The following CEP192 variants were observed in gnomAD, a reference collection of about 807,000 sequenced individuals.
CEP192 encodes the protein centrosomal protein 192.
A neutral mutation model predicts 271.8 loss-of-function variants in CEP192; 151 were observed. That is an observed-to-expected ratio of 0.56 (90% CI 0.49 to 0.64). The LOEUF (loss-of-function observed/expected upper bound fraction) is 0.64. Ranked by LOEUF, CEP192 falls within the 30% of genes least tolerant of loss-of-function variation. The pLI is 0.00. For synonymous variants in CEP192, 995 were observed against 1,076.5 expected (o/e 0.92, Z 1.48); for missense variants, 2,910 against 3,020.5 (o/e 0.96, Z 0.86).
intron 40 of CEP192, among the ~76,000 whole-genome samples, chr18:13,112,967 G>C (rs1228540432): frequency 6.6e-6 from 1 of 152,218 alleles, no homozygotes; most frequent in African/African-American, 2.4e-5. Flanking sequence ...ATAAAATGCT[G>C]TTTTTAAACA....
chr18:13,102,245 G>A (rs958424422), intron 38 of CEP192, among the ~76,000 whole-genome samples: 22 of 151,886 alleles, frequency 1.4e-4, no homozygotes, highest in African/African-American at 4.8e-4. Context: ...AAAATAGACA[G>A]GCCCTGAGAC....
At chr18:13,105,469 T>C (rs2039906905) in intron 40 of CEP192, among the ~76,000 whole-genome samples, 1 of 152,370 alleles carries the variant, frequency 6.6e-6, no homozygotes, top group Non-Finnish European at 1.5e-5. Context: ...ATGACCCTCT[T>C]AAATGTTAAT....
chr18:13,019,589 T>C lies in CEP192; in HGVS notation c.1050+383T>C, dbSNP rs936130671. On this transcript the variant is annotated intron_variant, in intron 9 of 44. Transcript: ENST00000506447. ...CTGAAGCTTGGTAGTCATTTCTGAC[T>C]CATACCTATTCATTATGCCCTTTTT... Among the ~76,000 whole-genome samples, 7 of 152,284 alleles carry C rather than the reference T, an allele frequency of 4.6e-5. No homozygotes were observed. In the South Asian group the frequency reaches 1.4e-3, roughly 32 times the overall value.
intron 40 of CEP192, 146 bp downstream of exon 40, chr18:13,105,225 A>C: frequency 1.5e-6 from 1 of 658,758 alleles, no homozygotes; most frequent in South Asian, 1.8e-5. Flanking sequence ...TGCCTCACTT[A>C]CAATGCGCTG....
At chr18:13,048,410 A>C (rs551506858) in intron 15 of CEP192, among the ~76,000 whole-genome samples, 6 of 152,332 alleles carry the variant, frequency 3.9e-5, no homozygotes, top group African/African-American at 1.4e-4. Context: ...TAATGGCCCC[A>C]AAGTGCAAGA....
chr18:13,068,881 G>T lies in CEP192; in HGVS notation c.4852G>T (p.Ala1618Ser). The change falls in exon 25 of 45, where the codon GCA becomes TCA. Residue 1618 changes from alanine to serine, a missense_variant. Physicochemically the swap from Ala to Ser is moderately conservative, Grantham distance 99 (BLOSUM62 1). Transcript: ENST00000506447. ...DILDSAEEFS[A>S]KVDIEVDSPN... Reference sequence around the variant, plus strand: ...TCTGGACTCAGCAGAAGAATTCTCGGCAAAAGTTGATATCGAAGTTGACAG... The same window carrying T: ...TCTGGACTCAGCAGAAGAATTCTCGTCAAAAGTTGATATCGAAGTTGACAG... The T allele has an allele frequency of 2.5e-6, 4 of 1,614,164 alleles. 1 individual carries two copies. In the South Asian group the frequency reaches 4.4e-5, roughly 18 times the overall value.
intron 18 of CEP192, among the ~76,000 whole-genome samples, chr18:13,054,166 G>A (rs914889117): frequency 2.0e-5 from 3 of 152,204 alleles, no homozygotes; most frequent in Non-Finnish European, 2.9e-5. Context: ...ACAGCAATGA[G>A]GAAGGAGGGA....
At chr18:13,058,818 C>T (rs750079347) in intron 20 of CEP192, 9 of 452,772 alleles carry the variant, frequency 2.0e-5, no homozygotes, top group East Asian at 8.7e-5. Context: ...CTTTTTAAGA[C>T]AAGTGAGTGT....
chr18:13,076,267 C>T (rs1263180853), intron 30 of CEP192, among the ~76,000 whole-genome samples: 4 of 152,166 alleles, frequency 2.6e-5, no homozygotes, highest in East Asian at 1.9e-4. Flanking sequence ...CTTGCTCCAT[C>T]GCCAGGCGGG....
At position 13,113,704 on chromosome 18, in the gene CEP192, A is replaced by G. The variant is rs1262423680; in HGVS notation, c.7166A>G (p.Gln2389Arg). The G allele has an allele frequency of 6.2e-7, 1 of 1,607,954 alleles. No individual in the cohort carries two copies. Among genetic ancestry groups the G allele is most frequent in the African/African-American group, 1.3e-5 (1 of 74,648 alleles). The change falls in exon 41 of 45, where the codon CAA becomes CGA. Residue 2389 changes from glutamine (Q) to arginine (R), a missense_variant and splice_region_variant. Gln to Arg is a conservative substitution (Grantham distance 43, BLOSUM62 1). Transcript: ENST00000506447. ...ACGTTGAGATTCCAACTCTCTGGACAAGTGAGTAGTACACTGAATTTAAGT... is the reference window on the plus strand; with the variant it reads ...ACGTTGAGATTCCAACTCTCTGGACGAGTGAGTAGTACACTGAATTTAAGT... Reference protein sequence around the residue: ...KHTLRFQLSGQSIEAENEPEN... With the variant: ...KHTLRFQLSGRSIEAENEPEN...
rs373056774 is a variant in CEP192, at chr18:13,092,357, A to T, written c.6104-20A>T. 6.6e-5 allele frequency: 100 copies of T among 1,526,600 alleles called. No individual in the cohort carries two copies. The highest frequency in any genetic ancestry group is 8.6e-5 in the Non-Finnish European group (96 of 1,112,938). 94.6% of individuals were successfully genotyped at this position (1,526,600 alleles called of 1,614,324 possible). ...CTTGTGTGAACATTCATGTATTTCAAACATTATTTTCTATTTCAGTATATG... is the reference window on the plus strand; with the variant it reads ...CTTGTGTGAACATTCATGTATTTCATACATTATTTTCTATTTCAGTATATG... On this transcript the variant is annotated intron_variant, in intron 33 of 44. Coordinates refer to ENST00000506447, the MANE Select transcript of CEP192 (RefSeq NM_032142.4).
chr18:13,050,635 A>C (rs965212534), intron 17 of CEP192, among the ~76,000 whole-genome samples: 1 of 148,852 alleles, frequency 6.7e-6, no homozygotes, highest in Non-Finnish European at 1.5e-5. Context: ...GCTGGAGTGC[A>C]GTGGTGTGAT....
At chr18:13,074,808 C>T (rs2038186485) in intron 30 of CEP192, among the ~76,000 whole-genome samples, 1 of 152,092 alleles carries the variant, frequency 6.6e-6, no homozygotes, top group Non-Finnish European at 1.5e-5. Context: ...GTTAACATGA[C>T]AGGAGAACCC....
chr18:13,120,574 G>C (rs1297228075), intron 44 of CEP192, among the ~76,000 whole-genome samples: 2 of 152,186 alleles, frequency 1.3e-5, no homozygotes, highest in Non-Finnish European at 2.9e-5. Flanking sequence ...ATTTAAAATA[G>C]TATTGCAAGG....
Position 13,038,387 on chromosome 18 carries a change from T to G in CEP192, c.1617T>G (p.Ala539=). ...HQFIQEENID[A]HNTSVALGDT... ...CTCCCTAGGAAGAAAACATAGATGC[T>G]CATAATACTTCGGTTGCACTGGGCG... The change falls in exon 13 of 45, where the codon GCT becomes GCG. Residue 539 remains alanine, a synonymous_variant. Coordinates refer to ENST00000506447, the MANE Select transcript of CEP192 (RefSeq NM_032142.4). 2 of 1,551,490 alleles carry G rather than the reference T, an allele frequency of 1.3e-6. No homozygotes were observed. The highest frequency in any genetic ancestry group is 1.7e-6 in the Non-Finnish European group (2 of 1,146,782).
chr18:13,072,581 C>T (rs2038067534), intron 28 of CEP192, among the ~76,000 whole-genome samples, 174 bp from the exon 29 acceptor site: 1 of 152,212 alleles, frequency 6.6e-6, no homozygotes, highest in Non-Finnish European at 1.5e-5. Context: ...CTTGAGCCTA[C>T]AATTTCAGAA....
intron 12 of CEP192, 41 bp from the exon 13 acceptor site, chr18:13,038,329 C>T (rs2036021224): frequency 6.8e-7 from 1 of 1,464,340 alleles, no homozygotes. Context: ...AGAAAAGTGA[C>T]TTGCTGGGGG....
chr18:13,009,755 C>T (rs528539328), intron 4 of CEP192, among the ~76,000 whole-genome samples: 1 of 152,262 alleles, frequency 6.6e-6, no homozygotes, highest in Non-Finnish European at 1.5e-5. Flanking sequence ...ATCGCTTGAA[C>T]CCGGGAGGCG....
chr18:13,105,055 G>A lies in CEP192; in HGVS notation c.7023G>A (p.Leu2341=). The A allele has an allele frequency of 2.5e-6, 4 of 1,613,892 alleles. No individual in the cohort carries two copies. The highest frequency in any genetic ancestry group is 3.4e-6 in the Non-Finnish European group (4 of 1,179,764). The change falls in exon 40 of 45, where the codon CTG becomes CTA. Residue 2341 remains leucine (L), a synonymous_variant. Coordinates refer to ENST00000506447, the MANE Select transcript of CEP192 (RefSeq NM_032142.4). ...TCAGATGTTCTCCTATTTCTGGTCTGCTGGAAAGCCATGGGATCCAAAAAG... is the reference window on the plus strand; with the variant it reads ...TCAGATGTTCTCCTATTTCTGGTCTACTGGAAAGCCATGGGATCCAAAAAG... ...AAFRCSPISG[L]LESHGIQKVS... is the part of the protein sequence containing the mutation.
Sources: allele counts gnomAD v4.1 joint callset (sites outside exome capture counted in the v4.1 genomes callset), GRCh38; gene constraint gnomAD v4.1.1; transcripts MANE v1.5; gene names NCBI Gene and HGNC (gene_info 2026-07-23, HGNC 2026-07-21).